Variants in SLC44A1 observed in about 807,000 individuals in gnomAD.
SLC44A1 encodes solute carrier family 44 member 1.
A neutral mutation model predicts 79.3 loss-of-function variants in SLC44A1; 26 were observed. The ratio of observed to expected loss-of-function variants is 0.33; its 90% confidence interval spans 0.24 to 0.46. The LOEUF (loss-of-function observed/expected upper bound fraction) is 0.46. Among genes scored for constraint, SLC44A1 ranks in the 20% least tolerant of loss-of-function variants. The pLI, the probability that SLC44A1 is intolerant of heterozygous loss-of-function variation, is 1.00. For synonymous variants in SLC44A1, 263 were observed against 286.2 expected, an observed-to-expected ratio of 0.92 and a Z score of 0.82; for missense variants, 688 against 798.1, an observed-to-expected ratio of 0.86 and a Z score of 1.66.
chr9:105,278,628 G>A (rs182742151), intron 1 of SLC44A1, among the ~76,000 whole-genome samples: 156 of 151,884 alleles, frequency 1.0e-3, no homozygotes, highest in Non-Finnish European at 1.7e-3. Flanking sequence ...TGATGTACCC[G>A]CTTCGGCCTC....
At chr9:105,325,957 C>G (rs1826563472) in intron 3 of SLC44A1, among the ~76,000 whole-genome samples, 1 of 152,014 alleles carries the variant, frequency 6.6e-6, no homozygotes, top group Non-Finnish European at 1.5e-5. Context: ...AATGAAATTT[C>G]TGGCCATTGG....
At chr9:105,298,856 T>A (rs1830799826) in intron 1 of SLC44A1, among the ~76,000 whole-genome samples, 1 of 152,174 alleles carries the variant, frequency 6.6e-6, no homozygotes, top group Admixed American at 6.5e-5. Context: ...AGGCATCATG[T>A]TAGATGCCGA....
downstream of SLC44A1, among the ~76,000 whole-genome samples, chr9:105,400,585 G>A (rs1034268303): frequency 6.6e-6 from 1 of 152,062 alleles, no homozygotes; most frequent in African/African-American, 2.4e-5. Context: ...TCTGACTCCT[G>A]ACTCTTCTGA....
At chr9:105,304,020 A>G (rs188076724) in intron 2 of SLC44A1, among the ~76,000 whole-genome samples, 1 of 152,326 alleles carries the variant, frequency 6.6e-6, no homozygotes, top group Non-Finnish European at 1.5e-5. Context: ...GTGGAATGAG[A>G]AAATGAGTTG....
chr9:105,277,677 G>A (rs529140260), intron 1 of SLC44A1, among the ~76,000 whole-genome samples: 12 of 152,324 alleles, frequency 7.9e-5, no homozygotes, highest in African/African-American at 2.9e-4. Flanking sequence ...TAGGGCTGAT[G>A]GGAGTTGGGA....
intron 1 of SLC44A1, among the ~76,000 whole-genome samples, chr9:105,252,611 G>C (rs981681943): frequency 2.6e-5 from 4 of 152,214 alleles, no homozygotes; most frequent in African/African-American, 9.6e-5. Flanking sequence ...GTGCGCTCAA[G>C]TAATGGACCA....
At chr9:105,313,244 C>T (rs1831228814) in intron 3 of SLC44A1, among the ~76,000 whole-genome samples, 1 of 152,224 alleles carries the variant, frequency 6.6e-6, no homozygotes, top group African/African-American at 2.4e-5. Context: ...CTATATTATA[C>T]TTGTTATTCT....
At chr9:105,354,641 A>G (rs1800277514) in intron 5 of SLC44A1, among the ~76,000 whole-genome samples, 1 of 152,226 alleles carries the variant, frequency 6.6e-6, no homozygotes, top group African/African-American at 2.4e-5. Context: ...TCATATTGTT[A>G]TGTCATCATT....
intron 3 of SLC44A1, among the ~76,000 whole-genome samples, chr9:105,323,574 G>C (rs1345710071): frequency 6.6e-6 from 1 of 152,208 alleles, no homozygotes; most frequent in Non-Finnish European, 1.5e-5. Flanking sequence ...GTTAACTGTT[G>C]TTTATTATAA....
chr9:105,312,437 T>A (rs1564430484), intron 3 of SLC44A1, among the ~76,000 whole-genome samples: 1 of 152,250 alleles, frequency 6.6e-6, no homozygotes, highest in Non-Finnish European at 1.5e-5. Flanking sequence ...GAGATATATT[T>A]GATTCGCTGC....
intron 5 of SLC44A1, among the ~76,000 whole-genome samples, chr9:105,355,112 G>A (rs1373857925): frequency 6.6e-6 from 1 of 152,184 alleles, no homozygotes; most frequent in Non-Finnish European, 1.5e-5. Flanking sequence ...CGTTAACGAT[G>A]GCTAAATTTT....
rs999723441 is a variant in SLC44A1 at position 105,348,291 on chromosome 9, T to C, written c.407-67T>C. On this transcript the variant is annotated intron_variant, in intron 4 of 15. Transcript: ENST00000374720. The stretch of plus-strand genomic sequence containing the variant: ...GTTGCATATGTTGAATAATACAAAA[T>C]TAAAATGAATAGTAAGAGAATTTTT... The C allele has an allele frequency of 3.2e-5, 26 of 824,416 alleles. No individual in the cohort carries two copies. The South Asian group carries it at 4.1e-4, about 13-fold the overall frequency. The allele number at this position is 824,416 out of a possible 1,614,324, so 51.1% of individuals were successfully genotyped here. A position where few individuals can be genotyped will look rare whatever the true frequency, so the allele number is the denominator to read the frequency against.
intron 1 of SLC44A1, among the ~76,000 whole-genome samples, chr9:105,291,319 G>A (rs951295830): frequency 1.3e-5 from 2 of 152,218 alleles, no homozygotes; most frequent in Non-Finnish European, 2.9e-5. Flanking sequence ...AGGTTTCTGT[G>A]TAAAACTGGC....
At chr9:105,332,974 A>G (rs1212972790) in intron 3 of SLC44A1, among the ~76,000 whole-genome samples, 4 of 152,202 alleles carry the variant, frequency 2.6e-5, no homozygotes, top group African/African-American at 7.2e-5. Flanking sequence ...TCAGAAGGAT[A>G]AATATATTTT....
chr9:105,351,633 A>G (rs1228781328), intron 5 of SLC44A1, among the ~76,000 whole-genome samples: 65 of 2,370 alleles, frequency 0.027, no homozygotes, highest in Non-Finnish European at 0.035. Context: ...AGAGAGAAAG[A>G]GAAAGAAAGA....
At chr9:105,404,008 G>A (rs1025272861) in intron 15 of SLC44A1, among the ~76,000 whole-genome samples, 3 of 151,992 alleles carry the variant, frequency 2.0e-5, no homozygotes, top group Non-Finnish European at 4.4e-5. Context: ...CCTGACAACA[G>A]TGGGGAGTAT....
Position 105,392,323 on chromosome 9 carries a change from G to T in SLC44A1, c.*3267G>T, listed in dbSNP as rs1289677432. The T allele has an allele frequency of 1.0e-6, 1 of 984,038 alleles. No individual in the cohort carries two copies. The highest frequency in any genetic ancestry group is 1.2e-6 in the Non-Finnish European group (1 of 829,512). The allele number at this position is 984,038 out of a possible 1,614,324, so 61.0% of individuals were successfully genotyped here. A position where few individuals can be genotyped will look rare whatever the true frequency, so the allele number is the denominator to read the frequency against. ...CCCAAACTTTTTCTATAATGGTTAAGGAGGAGGCACTTACTGAGTTTATTT... is the reference window on the plus strand; with the variant it reads ...CCCAAACTTTTTCTATAATGGTTAATGAGGAGGCACTTACTGAGTTTATTT... On this transcript the variant is annotated 3_prime_UTR_variant, in exon 16 of 16. Transcript: ENST00000374720.
In SLC44A1 at chr9:105,385,514, T is replaced by C. The variant is rs1828605159; in HGVS notation, c.1950+12T>C. On this transcript the variant is annotated intron_variant, in intron 15 of 15. Transcript: ENST00000374720. ...AGCTAAAGCCGATGGTAGGTGGAGA[T>C]GAGGAGGTGGCCGCCCTCCAAGAAT... The C allele has an allele frequency of 2.6e-6, 4 of 1,565,624 alleles. No individual in the cohort carries two copies. Among genetic ancestry groups the C allele is most frequent in the Non-Finnish European group, 3.5e-6 (4 of 1,154,254 alleles).
intron 1 of SLC44A1, among the ~76,000 whole-genome samples, chr9:105,265,035 A>G (rs1041037382): frequency 2.6e-5 from 4 of 152,130 alleles, no homozygotes; most frequent in African/African-American, 9.7e-5. Flanking sequence ...ACCTCAGACA[A>G]TCTGCCCACC....
Sources: allele counts gnomAD v4.1 joint callset (sites outside exome capture counted in the v4.1 genomes callset), GRCh38; gene constraint gnomAD v4.1.1; transcripts MANE v1.5; gene names NCBI Gene and HGNC (gene_info 2026-07-23, HGNC 2026-07-21).